The following RBFOX1 variants were observed in gnomAD, a reference collection of about 807,000 sequenced individuals.
RBFOX1 encodes RNA binding protein fox-1 homolog 1.
In RBFOX1, 8 loss-of-function variants were observed where a neutral mutation model predicts 57.7. The ratio of observed to expected loss-of-function variants is 0.14; its 90% CI spans 0.08 to 0.25. The LOEUF is 0.25. Ranked by LOEUF, RBFOX1 falls within the 10% of genes least tolerant of loss-of-function variation. RBFOX1 has a pLI of 1.00. For synonymous variants in RBFOX1, 326 were observed against 222.4 expected (o/e 1.47, Z -4.15); for missense variants, 611 against 548.5 (o/e 1.11, Z -1.14).
chr16:6,632,326 C>G (rs2098394969), intron 2 of RBFOX1, among the ~76,000 whole-genome samples: 1 of 149,734 alleles, frequency 6.7e-6, no homozygotes, highest in Non-Finnish European at 1.5e-5. Flanking sequence ...ATAAAGATAG[C>G]CAGGGAGAAA....
chr16:6,541,834 A>G (rs2096824313), intron 2 of RBFOX1, among the ~76,000 whole-genome samples: 1 of 152,150 alleles, frequency 6.6e-6, no homozygotes, highest in Admixed American at 6.5e-5. Context: ...CTTACAAACA[A>G]CTTTAATGGT....
At chr16:6,499,530 G>A (rs1050932496) in intron 2 of RBFOX1, among the ~76,000 whole-genome samples, 29 of 152,122 alleles carry the variant, frequency 1.9e-4, no homozygotes, top group African/African-American at 6.8e-4. Flanking sequence ...ATTGGATTGG[G>A]TGTATTTTTC....
chr16:6,171,124 T>A (rs1209251304), intron 1 of RBFOX1, among the ~76,000 whole-genome samples: 2 of 152,184 alleles, frequency 1.3e-5, no homozygotes, highest in Admixed American at 6.5e-5. Context: ...GATCGCTAGA[T>A]CAAATGGTAG....
intron 3 of RBFOX1, among the ~76,000 whole-genome samples, chr16:6,866,080 G>T (rs1205089612): frequency 1.3e-5 from 2 of 150,844 alleles, no homozygotes; most frequent in Admixed American, 1.3e-4. Flanking sequence ...GAAGCCAAAA[G>T]ATGATATTTT....
chr16:5,425,111 A>G (rs1480570087), intron 1 of RBFOX1, among the ~76,000 whole-genome samples: 4 of 134,118 alleles, frequency 3.0e-5, no homozygotes, highest in Non-Finnish European at 6.3e-5. Flanking sequence ...CTATCTATCT[A>G]TCTATCTATC....
intron 2 of RBFOX1, among the ~76,000 whole-genome samples, chr16:5,547,401 A>T (rs940629226): frequency 6.6e-6 from 1 of 152,356 alleles, no homozygotes; most frequent in South Asian, 2.1e-4. Flanking sequence ...TGGCACATGC[A>T]TATAATGGAA....
chr16:7,694,593 C>T (rs1013102062), intron 14 of RBFOX1, among the ~76,000 whole-genome samples: 1 of 152,208 alleles, frequency 6.6e-6, no homozygotes, highest in Non-Finnish European at 1.5e-5. Context: ...GCTGATGGTC[C>T]TGCAATTTCC....
At chr16:5,635,859 T>G (rs117254474) in intron 3 of RBFOX1, among the ~76,000 whole-genome samples, 5 of 152,136 alleles carry the variant, frequency 3.3e-5, no homozygotes, top group African/African-American at 1.2e-4. Flanking sequence ...TTCCATTCAT[T>G]TTTCGTGTTA....
chr16:6,647,728 G>C (rs1036794288), intron 2 of RBFOX1, among the ~76,000 whole-genome samples: 1 of 152,124 alleles, frequency 6.6e-6, no homozygotes, highest in African/African-American at 2.4e-5. Context: ...TCTGGGATGA[G>C]GTGTGATGTG....
chr16:6,313,738 A>C (rs1021931568), intron 1 of RBFOX1, among the ~76,000 whole-genome samples: 1 of 151,974 alleles, frequency 6.6e-6, no homozygotes, highest in African/African-American at 2.4e-5. Flanking sequence ...ATTGTGCCCA[A>C]TTCCACTGGG....
chr16:7,242,798 A>G (rs1044640549), intron 4 of RBFOX1, among the ~76,000 whole-genome samples: 6 of 152,142 alleles, frequency 3.9e-5, no homozygotes, highest in African/African-American at 1.4e-4. Context: ...GCTCAGCCAA[A>G]TTTTCTGTTT....
intron 9 of RBFOX1, 107 bp downstream of exon 9, chr16:7,597,538 A>C (rs987647593): frequency 9.8e-7 from 1 of 1,017,868 alleles, no homozygotes; most frequent in East Asian, 2.6e-5. Flanking sequence ...GGGCATTGAC[A>C]CTGTGTTTTT....
chr16:5,928,317 A>C (rs2058976991), intron 4 of RBFOX1, among the ~76,000 whole-genome samples: 2 of 151,890 alleles, frequency 1.3e-5, no homozygotes, highest in Non-Finnish European at 2.9e-5. Context: ...TCCTGGCCTC[A>C]AATGATCCTC....
At chr16:7,040,070 G>C (rs1041723774) in intron 3 of RBFOX1, among the ~76,000 whole-genome samples, 2 of 151,412 alleles carry the variant, frequency 1.3e-5, no homozygotes, top group African/African-American at 4.9e-5. Context: ...CACCAGGTTG[G>C]AGTGCAGTGA....
At chr16:5,756,135 G>T (rs1444473089) in intron 3 of RBFOX1, among the ~76,000 whole-genome samples, 6 of 146,324 alleles carry the variant, frequency 4.1e-5, no homozygotes, top group Non-Finnish European at 7.4e-5. Flanking sequence ...GTGCCTCAGG[G>T]ACTTACAAAC....
chr16:7,478,740 A>G (rs1790585513), intron 4 of RBFOX1, among the ~76,000 whole-genome samples: 1 of 152,162 alleles, frequency 6.6e-6, no homozygotes, highest in Non-Finnish European at 1.5e-5. Context: ...GCTAAAAGGA[A>G]CCCAAAACTG....
intron 4 of RBFOX1, among the ~76,000 whole-genome samples, chr16:5,903,857 G>A (rs879770481): frequency 6.6e-6 from 1 of 152,110 alleles, no homozygotes; most frequent in African/African-American, 2.4e-5. Flanking sequence ...AAGCAGATGC[G>A]GGGGCCTTGG....
intron 2 of RBFOX1, among the ~76,000 whole-genome samples, chr16:6,501,369 C>G (rs2095919681): frequency 6.8e-6 from 1 of 146,876 alleles, no homozygotes; most frequent in South Asian, 2.2e-4. Context: ...CAATTCCCAC[C>G]TATGAGTGAG....
chr16:6,419,001 A>G (rs754061901), intron 2 of RBFOX1, among the ~76,000 whole-genome samples: 4 of 152,222 alleles, frequency 2.6e-5, no homozygotes, highest in Non-Finnish European at 4.4e-5. Context: ...TCCCCAGAAC[A>G]GAGACCATTT....
Sources: allele counts gnomAD v4.1 joint callset (sites outside exome capture counted in the v4.1 genomes callset), GRCh38; gene constraint gnomAD v4.1.1; transcripts MANE v1.5; gene names NCBI Gene and HGNC (gene_info 2026-07-23, HGNC 2026-07-21).